ATP10B: variants seen among roughly 807,000 people sequenced by gnomAD.
ATP10B encodes ATPase phospholipid transporting 10B (putative), also known as phospholipid-transporting ATPase VB.
In ATP10B, 122 loss-of-function variants were observed where a neutral mutation model predicts 141.2. That is an observed-to-expected ratio of 0.86 (90% confidence interval 0.75 to 1.00). The LOEUF is 1.00. Ranked by LOEUF, ATP10B falls within the 50% of genes least tolerant of loss-of-function variation. ATP10B has a pLI of 0.00. For synonymous variants in ATP10B, 685 were observed against 692.0 expected, an observed-to-expected ratio of 0.99 and a Z score of 0.16; for missense variants, 1,876 against 1,825.3, an observed-to-expected ratio of 1.03 and a Z score of -0.51.
chr5:160,811,364 C>T (rs1368499951), intron 1 of ATP10B, among the ~76,000 whole-genome samples: 1 of 152,106 alleles, frequency 6.6e-6, no homozygotes, highest in Non-Finnish European at 1.5e-5. Context: ...AGTAGAGAAC[C>T]AAGTGGGTTC....
At chr5:160,868,521 T>TACACACACACACACACAC in the ATP10B span, among the ~76,000 whole-genome samples, 16 of 130,404 alleles carry the variant, frequency 1.2e-4, no homozygotes, top group East Asian at 9.4e-4. Context: ...TATGAACAGA[T>TACACACACACACACACAC]ACACACACAC....
Position 160,668,580 on chromosome 5 carries a change from T to C in ATP10B, c.675+1883A>G, listed in dbSNP as rs192356450. Among the ~76,000 whole-genome samples the C allele has an allele frequency of 3.2e-3, 490 of 152,188 alleles. 5 individuals are homozygous for C. Among genetic ancestry groups the C allele is most frequent in the African/African-American group, 0.012 (478 of 41,518 alleles). On this transcript the variant is annotated intron_variant, in intron 7 of 25. Coordinates refer to ENST00000327245, the MANE Select transcript of ATP10B (RefSeq NM_025153.3). ...AAATGCGGCTGTAATAAGCAAAGGG[T>C]GAGAAAACTCAGAGACAGGCCCCTT...
At chr5:160,720,130 T>C (rs1444338321) in intron 2 of ATP10B, among the ~76,000 whole-genome samples, 1 of 152,250 alleles carries the variant, frequency 6.6e-6, no homozygotes, top group Admixed American at 6.5e-5. Context: ...TGTTTTCTGC[T>C]GGCAAATGTA....
chr5:160,721,861 C>A (rs1005600940), intron 2 of ATP10B, among the ~76,000 whole-genome samples: 15 of 152,198 alleles, frequency 9.9e-5, no homozygotes, highest in African/African-American at 3.6e-4. Context: ...AGAAACAACT[C>A]CAAAGCTGGT....
the ATP10B span, among the ~76,000 whole-genome samples, chr5:160,881,574 A>G: frequency 6.6e-6 from 1 of 152,126 alleles, no homozygotes; most frequent in Non-Finnish European, 1.5e-5. Context: ...GCACTTTGGG[A>G]GGCCGAGGCG....
At chr5:160,745,196 A>T (rs1295547399) in intron 2 of ATP10B, among the ~76,000 whole-genome samples, 1 of 152,090 alleles carries the variant, frequency 6.6e-6, no homozygotes, top group African/African-American at 2.4e-5. Flanking sequence ...AGCCCATTCT[A>T]TTTTCTATGC....
intron 4 of ATP10B, among the ~76,000 whole-genome samples, chr5:160,688,473 A>C (rs1222043722): frequency 6.6e-6 from 1 of 152,128 alleles, no homozygotes; most frequent in East Asian, 1.9e-4. Context: ...GGGATAGCTA[A>C]AGTGTGGCTT....
intron 6 of ATP10B, among the ~76,000 whole-genome samples, chr5:160,677,023 G>A (rs1397095113): frequency 6.6e-6 from 1 of 152,128 alleles, no homozygotes; most frequent in Non-Finnish European, 1.5e-5. Context: ...TCAGAAGAAG[G>A]TGACATAAAC....
At chr5:160,894,300 C>G in the ATP10B span, among the ~76,000 whole-genome samples, 1 of 151,858 alleles carries the variant, frequency 6.6e-6, no homozygotes, top group Non-Finnish European at 1.5e-5. Context: ...AAGCTAAGAA[C>G]CTTGAAAAAA....
intron 3 of ATP10B, among the ~76,000 whole-genome samples, chr5:160,695,485 AGTGAGT>A (rs1452724507): frequency 4.9e-5 from 3 of 61,416 alleles, no homozygotes; most frequent in Admixed American, 2.1e-4. Context: ...TATATGCGTG[AGTGAGT>A]GTGTGTGTGT....
chr5:160,900,802 T>A, the ATP10B span, among the ~76,000 whole-genome samples: 23 of 151,446 alleles, frequency 1.5e-4, no homozygotes, highest in Admixed American at 1.4e-3. Flanking sequence ...ATTTTTTTTT[T>A]ATTTGTGGTT....
chr5:160,750,363 G>A (rs1386585540), intron 2 of ATP10B, among the ~76,000 whole-genome samples: 1 of 152,128 alleles, frequency 6.6e-6, no homozygotes, highest in African/African-American at 2.4e-5. Context: ...CAAGCAAATA[G>A]CCCCAGCCCG....
At chr5:160,651,113 T>C (rs1013991868) in intron 7 of ATP10B, among the ~76,000 whole-genome samples, 19 of 152,278 alleles carry the variant, frequency 1.2e-4, no homozygotes, top group African/African-American at 4.1e-4. Flanking sequence ...AAGCTTACCG[T>C]CATTCTATGA....
Position 160,707,724 on chromosome 5 carries a change from A to G in ATP10B, c.-205+9185T>C, listed in dbSNP as rs556901577. 1.6e-3 allele frequency among the ~76,000 whole-genome samples: 243 copies of G among 152,340 alleles called. 1 individual carries two copies. Among genetic ancestry groups the G allele is most frequent in the African/African-American group, 5.5e-3 (227 of 41,578 alleles). Reference sequence around the variant, plus strand: ...AAGTCAAAATGACTAAGAATCTGCTATGACAAGACCACAAACCCACAGAAG... The same window carrying G: ...AAGTCAAAATGACTAAGAATCTGCTGTGACAAGACCACAAACCCACAGAAG... On this transcript the variant is annotated intron_variant, in intron 3 of 25. Transcript: ENST00000327245.
intron 2 of ATP10B, among the ~76,000 whole-genome samples, chr5:160,733,571 TATATGTCAC>T (rs1766885171): frequency 6.6e-6 from 1 of 151,952 alleles, no homozygotes; most frequent in Non-Finnish European, 1.5e-5. Context: ...AAATGACATA[TATATGTCAC>T]ATATGTTACA....
chr5:160,697,955 A>G (rs1764467371), intron 3 of ATP10B, among the ~76,000 whole-genome samples: 1 of 152,208 alleles, frequency 6.6e-6, no homozygotes, highest in Non-Finnish European at 1.5e-5. Flanking sequence ...TTTTTTTAAC[A>G]GACAAGAAAA....
chr5:160,652,978 ATACATACATAT>A (rs1282472974), intron 7 of ATP10B, among the ~76,000 whole-genome samples: 107 of 95,038 alleles, frequency 1.1e-3, no homozygotes, highest in Non-Finnish European at 1.3e-3. Flanking sequence ...TATATAATAT[ATACATACATAT>A]TTATATTTAT....
upstream of ATP10B, among the ~76,000 whole-genome samples, chr5:160,854,330 C>G (rs1753945611): frequency 2.6e-5 from 4 of 152,076 alleles, no homozygotes; most frequent in Admixed American, 2.6e-4. Context: ...TTCCCCTAGC[C>G]CCCCAACCCC....
chr5:160,839,277 T>C (rs1581634379), intron 1 of ATP10B, among the ~76,000 whole-genome samples: 1 of 152,110 alleles, frequency 6.6e-6, no homozygotes. Flanking sequence ...CAGATGAGAA[T>C]ATATTTAGGA....
Sources: gnomAD v4.1 joint callset for allele counts (sites outside exome capture counted in the v4.1 genomes callset) on GRCh38, gnomAD v4.1.1 for gene constraint, MANE v1.5 for transcripts, NCBI Gene and HGNC (gene_info 2026-07-23, HGNC 2026-07-21) for gene names.